Variants in RPS6KA4 observed in about 807,000 individuals in gnomAD.
RPS6KA4 encodes ribosomal protein S6 kinase alpha-4.
RPS6KA4 carries 38 observed loss-of-function variants against 89.6 expected under a neutral mutation model. The observed-to-expected ratio is 0.42, with a 90% confidence interval of 0.33 to 0.56. The LOEUF (loss-of-function observed/expected upper bound fraction) is 0.56. Among genes scored for constraint, RPS6KA4 ranks in the 20% least tolerant of loss-of-function variants. The pLI is 0.07. For missense variants in RPS6KA4, 873 were observed against 1,098.8 expected, an observed-to-expected ratio of 0.79 and a Z score of 2.90; for synonymous variants, 495 against 492.8, an observed-to-expected ratio of 1.00 and a Z score of -0.06.
rs2036734463 is a variant in RPS6KA4, at chr11:64,361,119, T to C, written c.463-15T>C. ...TTCGGGGAGGAAGCCTCAGCACCCC[T>C]CTTGCTCCTACCAGCTCGGCATCAT... On this transcript the variant is annotated splice_polypyrimidine_tract_variant and intron_variant, in intron 4 of 16. Coordinates refer to ENST00000334205, the MANE Select transcript of RPS6KA4 (RefSeq NM_003942.3). The surrounding 1 kb of genome is among the most constrained non-coding windows in gnomAD (Gnocchi z 4.7). 5 of 1,611,142 alleles carry C rather than the reference T, an allele frequency of 3.1e-6. No individual in the cohort carries two copies. Among genetic ancestry groups the C allele is most frequent in the Non-Finnish European group, 1.7e-6 (2 of 1,178,576 alleles).
rs773408350 is a variant in RPS6KA4 at position 64,369,435 on chromosome 11, G to A, written c.1429-11G>A. 6 of 1,580,980 alleles carry A rather than the reference G, an allele frequency of 3.8e-6. No individual in the cohort carries two copies. In the African/African-American group the frequency reaches 4.0e-5, roughly 11 times the overall value. On this transcript the variant is annotated splice_polypyrimidine_tract_variant and intron_variant, in intron 12 of 16. Coordinates refer to ENST00000334205, the MANE Select transcript of RPS6KA4 (RefSeq NM_003942.3). Reference sequence around the variant, plus strand: ...GTGGGTGTTGACCTTGGCCCGCCACGCCGCCCGCAGCTGCACACGTACCTG... The same window carrying A: ...GTGGGTGTTGACCTTGGCCCGCCACACCGCCCGCAGCTGCACACGTACCTG...
In RPS6KA4 at chr11:64,368,515, G is replaced by A; in HGVS notation, c.1248G>A (p.Ala416=). Residue 416 remains alanine (A), a synonymous_variant, in exon 11 of 17, where the codon GCG becomes GCA. Transcript: ENST00000334205. Reference sequence around the variant, plus strand: ...ACGAGCTGGACCTGCGGGAGCCTGCGCTGGGCCAGGGCAGCTTTTCTGTGT... The same window carrying A: ...ACGAGCTGGACCTGCGGGAGCCTGCACTGGGCCAGGGCAGCTTTTCTGTGT... The part of the protein sequence containing the change: ...QQYELDLREP[A]LGQGSFSVCR... The A allele has an allele frequency of 1.3e-6, 2 of 1,569,164 alleles. No homozygotes were observed. Among genetic ancestry groups the A allele is most frequent in the Non-Finnish European group, 1.7e-6 (2 of 1,158,756 alleles).
In RPS6KA4 at chr11:64,361,361, G is replaced by T; in HGVS notation, c.571-108G>T. On this transcript the variant is annotated intron_variant, in intron 5 of 16. Coordinates refer to ENST00000334205, the MANE Select transcript of RPS6KA4 (RefSeq NM_003942.3). The surrounding 1 kb of genome is among the most constrained non-coding windows in gnomAD (Gnocchi z 4.7). ...TGAATAGCTCCAAGAAGTTTCCACAGCTCAGCTCTCCAACCTCACAAGTTG... is the reference window on the plus strand; with the variant it reads ...TGAATAGCTCCAAGAAGTTTCCACATCTCAGCTCTCCAACCTCACAAGTTG... 1 of 1,474,088 alleles carries T rather than the reference G, an allele frequency of 6.8e-7. No individual in the cohort carries two copies. The highest frequency in any genetic ancestry group is 1.2e-5 in the South Asian group (1 of 84,804). The allele number at this position is 1,474,088 out of a possible 1,614,324, so 91.3% of individuals were successfully genotyped here.
intron 12 of RPS6KA4, 139 bp downstream of exon 12, chr11:64,368,936 G>C: frequency 1.3e-6 from 1 of 796,440 alleles, no homozygotes; most frequent in East Asian, 2.7e-5. Context: ...GGGAGGCGCA[G>C]GGAGTGGAAT....
intron 9 of RPS6KA4, among the ~76,000 whole-genome samples, chr11:64,366,870 GT>G (rs1409650160): frequency 6.6e-6 from 1 of 152,128 alleles, no homozygotes; most frequent in Non-Finnish European, 1.5e-5. Context: ...AACCAGTATG[GT>G]TTGTTTAATA....
chr11:64,363,350 T>C (rs193058359), intron 8 of RPS6KA4, among the ~76,000 whole-genome samples: 10 of 152,274 alleles, frequency 6.6e-5, no homozygotes, highest in Non-Finnish European at 1.3e-4. Context: ...TGTTGGTTTC[T>C]TTCAGTGAAT....
intron 8 of RPS6KA4, among the ~76,000 whole-genome samples, chr11:64,362,236 A>C (rs985458435): frequency 6.6e-6 from 1 of 152,252 alleles, no homozygotes; most frequent in African/African-American, 2.4e-5. Flanking sequence ...CAGGGATTTG[A>C]GAATGGATTG....
intron 9 of RPS6KA4, among the ~76,000 whole-genome samples, chr11:64,367,240 G>A (rs2036906212): frequency 6.6e-6 from 1 of 152,158 alleles, no homozygotes; most frequent in Admixed American, 6.5e-5. Context: ...TGAACTCCTG[G>A]GCTTGAGTGA....
At position 64,363,674 on chromosome 11, in the gene RPS6KA4, T is replaced by C. The variant is rs145470035; in HGVS notation, c.907-1627T>C. ...GGCCAGCTTATTTTTGTATTTTTAG[T>C]AGAGTCAGGGATTCACCATGTTGGC... On this transcript the variant is annotated intron_variant, in intron 8 of 16. Transcript: ENST00000334205. Among the ~76,000 whole-genome samples, 133 of 152,178 alleles carry C rather than the reference T, an allele frequency of 8.7e-4. 2 individuals carry two copies. Among genetic ancestry groups the C allele is most frequent in the Middle Eastern group, 3.4e-3 (1 of 294 alleles).
Position 64,361,400 on chromosome 11 carries a change from C to T in RPS6KA4, c.571-69C>T. 3 of 1,569,226 alleles carry T rather than the reference C, an allele frequency of 1.9e-6. No individual in the cohort carries two copies. In the South Asian group the frequency reaches 3.4e-5, roughly 18 times the overall value. On this transcript the variant is annotated intron_variant, in intron 5 of 16. Transcript: ENST00000334205. This position sits in a 1 kb window ranked among gnomAD's most constrained non-coding sequence, Gnocchi z 4.7. ...CCTCACAAGTTGAGCGAGTCTTACTCTGGGCCTTGTGGGGCACTGGGGCAC... is the reference window on the plus strand; with the variant it reads ...CCTCACAAGTTGAGCGAGTCTTACTTTGGGCCTTGTGGGGCACTGGGGCAC...
rs764008264 is a variant in RPS6KA4 at position 64,369,827 on chromosome 11, C to A, written c.1731C>A (p.Ala577=). ...CCTGCTTCACGCTGCAGTACGCTGC[C>A]CCCGAGCTGCTGGCGCAGCAGGGCT... is the stretch of plus-strand genomic sequence containing the variant. ...QTPCFTLQYA[A]PELLAQQGYD... is the part of the protein sequence containing the mutation. The change falls in exon 14 of 17, where the codon GCC becomes GCA. Residue 577 remains alanine, a synonymous_variant. Transcript: ENST00000334205. The A allele has an allele frequency of 6.3e-7, 1 of 1,594,408 alleles. No individual in the cohort carries two copies. The highest frequency in any genetic ancestry group is 2.3e-5 in the East Asian group (1 of 43,700).
At chr11:64,365,220 CTG>C in intron 8 of RPS6KA4, 79 bp from the exon 9 acceptor site, 1 of 1,503,148 alleles carries the variant, frequency 6.7e-7, no homozygotes, top group Admixed American at 1.9e-5. Context: ...CATGGAGGAA[CTG>C]CCCAGTGAGG....
rs1264604977 is a variant in RPS6KA4 at position 64,360,206 on chromosome 11, C to T, written c.171C>T (p.Asp57=). ...VFLVRKAGGH[D]AGKLYAMKVL... is the part of the protein sequence containing the mutation. Reference sequence around the variant, plus strand: ...TGGTGCGGAAGGCGGGCGGGCACGACGCGGGGAAGCTGTACGCCATGAAGG... The same window carrying T: ...TGGTGCGGAAGGCGGGCGGGCACGATGCGGGGAAGCTGTACGCCATGAAGG... Residue 57 remains aspartate, a synonymous_variant, in exon 3 of 17, where the codon GAC becomes GAT. Transcript: ENST00000334205. The T allele has an allele frequency of 1.3e-6, 2 of 1,548,150 alleles. No individual in the cohort carries two copies. The highest frequency in any genetic ancestry group is 1.4e-5 in the African/African-American group (1 of 73,000).
In RPS6KA4 at chr11:64,368,044, T is replaced by G. The variant is rs1009775385; in HGVS notation, c.1072-88T>G. ...CCCACTGCCCCCTTGTCCAGGGTCT[T>G]GCCTTTGCCTGGTTCCCCACCAGAG... On this transcript the variant is annotated intron_variant, in intron 9 of 16. Coordinates refer to ENST00000334205, the MANE Select transcript of RPS6KA4 (RefSeq NM_003942.3). 1.0e-5 allele frequency: 15 copies of G among 1,467,726 alleles called. No individual in the cohort carries two copies. The South Asian group carries it at 1.9e-4, about 18-fold the overall frequency. 90.9% of individuals were successfully genotyped at this position (1,467,726 alleles called of 1,614,324 possible).
rs767800833 is a variant in RPS6KA4 at position 64,360,604 on chromosome 11, C to T, written c.462+12C>T. On this transcript the variant is annotated intron_variant, in intron 4 of 16. Coordinates refer to ENST00000334205, the MANE Select transcript of RPS6KA4 (RefSeq NM_003942.3). The stretch of plus-strand genomic sequence containing the variant: ...AACACCTGCACAAGGTGGGTGAAGA[C>T]CTGGCCGCAGGCTGTTGCTATGGAA... The T allele has an allele frequency of 1.3e-5, 21 of 1,584,842 alleles. No homozygotes were observed. Among genetic ancestry groups the T allele is most frequent in the Non-Finnish European group, 1.8e-5 (21 of 1,164,296 alleles).
rs900709377 is a variant in RPS6KA4 at position 64,369,737 on chromosome 11, G to A, written c.1641G>A (p.Val547=). ...LYADDTPGAP[V]KIIDFGFARL... is the part of the protein sequence containing the mutation. ...CCGACGACACGCCCGGGGCCCCGGT[G>A]AAAATCATCGACTTCGGGTTCGCGC... The change falls in exon 14 of 17, where the codon GTG becomes GTA. Residue 547 remains valine, a synonymous_variant. Transcript: ENST00000334205. 6.2e-7 allele frequency: 1 copy of A among 1,611,168 alleles called. No individual in the cohort carries two copies. The highest frequency in any genetic ancestry group is 8.5e-7 in the Non-Finnish European group (1 of 1,179,046).
chr11:64,360,132 C>A, intron 2 of RPS6KA4, 31 bp from the exon 3 acceptor site: 1 of 1,522,498 alleles, frequency 6.6e-7, no homozygotes, highest in Non-Finnish European at 8.8e-7. Context: ...CCGCTCACAG[C>A]CCACCCTCCA....
At chr11:64,359,551 A>C in intron 2 of RPS6KA4, 102 bp downstream of exon 2, 5 of 1,250,504 alleles carry the variant, frequency 4.0e-6, no homozygotes, top group East Asian at 2.5e-5. Context: ...CAGGCCCCCC[A>C]CCCTTTCCCG....
In RPS6KA4 at chr11:64,359,283, C is replaced by G; in HGVS notation, c.48C>G (p.Ile16Met). The change falls in exon 1 of 17, where the codon ATC (isoleucine) becomes ATG (methionine). Residue 16 changes from isoleucine to methionine, a missense_variant. By Grantham distance (10) the Ile-to-Met change is conservative (BLOSUM62 1). This residue lies in a region of RPS6KA4 where 49 missense variants were observed against 51.9 expected (regional missense o/e 0.94). Transcript: ENST00000334205. ...AGAGCTGCGCCGTGGAGCTGCGGAT[C>G]ACAGAAGGTGGGTGTGGGGCCTGAC... Reference protein sequence around the residue: ...DDESCAVELRITEANLTGHEE... With the variant: ...DDESCAVELRMTEANLTGHEE... 6.4e-7 allele frequency: 1 copy of G among 1,572,970 alleles called. No individual in the cohort carries two copies. Among genetic ancestry groups the G allele is most frequent in the Non-Finnish European group, 8.6e-7 (1 of 1,157,418 alleles).
Sources: allele counts gnomAD v4.1 joint callset (sites outside exome capture counted in the v4.1 genomes callset), GRCh38; gene constraint gnomAD v4.1.1; regional missense constraint gnomAD v4.1.1; non-coding constraint Gnocchi (gnomAD v3.1); transcripts MANE v1.5; gene names NCBI Gene and HGNC (gene_info 2026-07-23, HGNC 2026-07-21).